Variants in HERC1 observed in about 807,000 individuals in gnomAD.
HERC1 encodes the protein HECT and RLD domain containing E3 ubiquitin protein ligase family member 1, also known as probable E3 ubiquitin-protein ligase HERC1.
In HERC1, 160 loss-of-function variants were observed where a neutral mutation model predicts 554.3. The ratio of observed to expected loss-of-function variants is 0.29; its 90% CI spans 0.25 to 0.33. HERC1 has a LOEUF of 0.33. Among genes scored for constraint, HERC1 ranks in the 10% least tolerant of loss-of-function variants. The probability of loss-of-function intolerance (pLI) is 1.00; values close to 1 mark genes in which losing one functional copy is unlikely to be tolerated. For synonymous variants in HERC1, 2,175 were observed against 2,131.7 expected (o/e 1.02, Z -0.56); for missense variants, 4,919 against 5,918.5 (o/e 0.83, Z 5.54).
intron 1 of HERC1, among the ~76,000 whole-genome samples, chr15:63,792,984 A>C (rs2076696904): frequency 6.6e-6 from 1 of 152,238 alleles, no homozygotes; most frequent in South Asian, 2.1e-4. Context: ...TCAGGGAAAC[A>C]CTTATACTTA....
At chr15:63,777,539 T>C (rs2076150361) in intron 1 of HERC1, among the ~76,000 whole-genome samples, 1 of 152,244 alleles carries the variant, frequency 6.6e-6, no homozygotes, top group African/African-American at 2.4e-5. Context: ...ACATCTTATG[T>C]TTGTTGGTCA....
At position 63,749,654 on chromosome 15, in the gene HERC1, A is replaced by G; in HGVS notation, c.2040T>C (p.Leu680=). The part of the protein sequence containing the change: ...VSIGDSHCLA[L]SHDNEVYAWG... The stretch of plus-strand genomic sequence containing the variant: ...AAAAACAAATGACTTTACCATGAGA[A>G]AGAGCCAAACAATGACTGTCTCCAA... The change falls in exon 9 of 78, where the codon CTT becomes CTC. Residue 680 remains leucine (L), a synonymous_variant. Transcript: ENST00000443617. The surrounding 1 kb of genome is among the most constrained non-coding windows in gnomAD (Gnocchi z 4.1). The G allele has an allele frequency of 1.3e-6, 2 of 1,599,418 alleles. No homozygotes were observed. The highest frequency in any genetic ancestry group is 1.7e-6 in the Non-Finnish European group (2 of 1,172,294).
chr15:63,748,522 A>C (rs1319939636), intron 10 of HERC1, among the ~76,000 whole-genome samples: 2 of 152,316 alleles, frequency 1.3e-5, no homozygotes, highest in Non-Finnish European at 2.9e-5. Flanking sequence ...ATAGAGTGAT[A>C]TACTGAAATC....
chr15:63,699,451 C>A (rs2153070311), intron 25 of HERC1, among the ~76,000 whole-genome samples: 1 of 152,208 alleles, frequency 6.6e-6, no homozygotes, highest in Non-Finnish European at 1.5e-5. Flanking sequence ...TAAGACTGAA[C>A]AAAGTGTCTA....
At chr15:63,784,490 C>T (rs989521282) in intron 1 of HERC1, among the ~76,000 whole-genome samples, 13 of 152,120 alleles carry the variant, frequency 8.5e-5, no homozygotes, top group African/African-American at 3.1e-4. Context: ...AACCTAGGAA[C>T]ACTAGTTGCC....
intron 24 of HERC1, among the ~76,000 whole-genome samples, chr15:63,710,391 T>C (rs1415025203): frequency 6.6e-6 from 1 of 152,088 alleles, no homozygotes; most frequent in Admixed American, 6.6e-5. Flanking sequence ...GGCACTTCAA[T>C]TAAAGAAAGG....
At chr15:63,621,520 C>T (rs1368444967) in intron 74 of HERC1, among the ~76,000 whole-genome samples, 3 of 152,090 alleles carry the variant, frequency 2.0e-5, no homozygotes, top group Non-Finnish European at 4.4e-5. Flanking sequence ...CTCTGTATTT[C>T]CTGAATTTGA....
intron 1 of HERC1, among the ~76,000 whole-genome samples, chr15:63,822,317 G>C (rs1596327728): frequency 6.6e-6 from 1 of 152,068 alleles, no homozygotes; most frequent in African/African-American, 2.4e-5. Flanking sequence ...CAGGTGCTGT[G>C]GCTCACGCCT....
chr15:63,635,539 C>T (rs920433436), intron 65 of HERC1, among the ~76,000 whole-genome samples: 1 of 152,196 alleles, frequency 6.6e-6, no homozygotes, highest in Non-Finnish European at 1.5e-5. Context: ...AGGTGCTATA[C>T]AATCTTACAA....
rs757981190 is a variant in HERC1, at chr15:63,725,376, C to A, written c.3484G>T (p.Val1162Leu). 5 of 1,613,970 alleles carry A rather than the reference C, an allele frequency of 3.1e-6. No individual in the cohort carries two copies. In the East Asian group the frequency reaches 6.7e-5, roughly 22 times the overall value. ...CLGGMLQGSP[V>L]SPEEQDTAYW... ...GCAGTGTCCTGTTCCTCTGGAGACA[C>A]AGGGGAGCCCTGAAGCATGCCACCA... Residue 1162 changes from valine to leucine, a missense_variant, in exon 18 of 78, where the codon GTG becomes TTG. Physicochemically the swap from Val to Leu is conservative, Grantham distance 32. Transcript: ENST00000443617.
intron 2 of HERC1, among the ~76,000 whole-genome samples, chr15:63,765,885 T>C (rs899901125): frequency 6.6e-6 from 1 of 152,202 alleles, no homozygotes; most frequent in South Asian, 2.1e-4. Context: ...TGAGACTGTT[T>C]CGCTCTTGTC....
Position 63,680,774 on chromosome 15 carries a change from A to C in HERC1, c.6228T>G (p.Phe2076Leu). The C allele has an allele frequency of 6.2e-7, 1 of 1,607,724 alleles. No individual in the cohort carries two copies. Residue 2076 changes from phenylalanine to leucine, a missense_variant and splice_region_variant, in exon 35 of 78, where the codon TTT becomes TTG. Coordinates refer to ENST00000443617, the MANE Select transcript of HERC1 (RefSeq NM_003922.4). The surrounding 1 kb of genome is among the most constrained non-coding windows in gnomAD (Gnocchi z 5.8). Reference protein sequence around the residue: ...GVTSGCYQWKFYIVKENRGNE... With the variant: ...GVTSGCYQWKLYIVKENRGNE... ...TACCTCTGTTTTCCTTCACAATATA[A>C]AACTAAAATAAAAGTGGGATATTCA...
At chr15:63,687,648 A>G (rs886735477) in intron 33 of HERC1, among the ~76,000 whole-genome samples, 1 of 152,150 alleles carries the variant, frequency 6.6e-6, no homozygotes, top group Non-Finnish European at 1.5e-5. Flanking sequence ...CATATTTAGC[A>G]GGGTATTAGG....
At chr15:63,673,620 G>C (rs993560918) in intron 38 of HERC1, among the ~76,000 whole-genome samples, 1 of 47,244 alleles carries the variant, frequency 2.1e-5, no homozygotes, top group African/African-American at 8.9e-5. Context: ...GAGGATACAA[G>C]ATAAAACAGA....
chr15:63,782,776 G>T (rs1308487818), intron 1 of HERC1, among the ~76,000 whole-genome samples: 1 of 152,202 alleles, frequency 6.6e-6, no homozygotes, highest in Non-Finnish European at 1.5e-5. Flanking sequence ...AGCATCCATG[G>T]TTCATGGGGA....
In HERC1 at chr15:63,649,893, A is replaced by G; in HGVS notation, c.10579T>C (p.Trp3527Arg). The G allele has an allele frequency of 6.2e-7, 1 of 1,610,476 alleles. No homozygotes were observed. Among genetic ancestry groups the G allele is most frequent in the Non-Finnish European group, 8.5e-7 (1 of 1,178,238 alleles). Residue 3527 changes from tryptophan (W) to arginine (R), a missense_variant, in exon 54 of 78, where the codon TGG becomes CGG. Coordinates refer to ENST00000443617, the MANE Select transcript of HERC1 (RefSeq NM_003922.4). Reference sequence around the variant, plus strand: ...TCTGGCCAAGCCAGGGCAGATACCCAATGAGGCTGAATATCTACTAATCCT... The same window carrying G: ...TCTGGCCAAGCCAGGGCAGATACCCGATGAGGCTGAATATCTACTAATCCT... ...GKGLVDIQPH[W>R]VSALAWPEEG... is the part of the protein sequence containing the mutation.
chr15:63,671,203 CAAA>C (rs371521135), intron 39 of HERC1, among the ~76,000 whole-genome samples: 3 of 123,450 alleles, frequency 2.4e-5, no homozygotes, highest in African/African-American at 6.1e-5. Context: ...AACTTTGTCT[CAAA>C]AAAAAAAAAA....
At chr15:63,716,811 T>C (rs1431413539) in intron 21 of HERC1, among the ~76,000 whole-genome samples, 1 of 152,214 alleles carries the variant, frequency 6.6e-6, no homozygotes, top group Non-Finnish European at 1.5e-5. Context: ...GCATAAAAGG[T>C]AATTAAGGCA....
Position 63,609,052 on chromosome 15 carries a change from G to A in HERC1, c.*29C>T. 6.3e-7 allele frequency: 1 copy of A among 1,594,988 alleles called. No homozygotes were observed. The highest frequency in any genetic ancestry group is 1.1e-5 in the South Asian group (1 of 88,716). On this transcript the variant is annotated 3_prime_UTR_variant, in exon 78 of 78. Coordinates refer to ENST00000443617, the MANE Select transcript of HERC1 (RefSeq NM_003922.4). ...ATCAGAAGTGAGCATTATTGAGGGA[G>A]AGAAGGGAGGGTGAGAGCACCCGCA... is the stretch of plus-strand genomic sequence containing the variant.
Sources: gnomAD v4.1 joint callset for allele counts (sites outside exome capture counted in the v4.1 genomes callset) on GRCh38, gnomAD v4.1.1 for gene constraint, Gnocchi (gnomAD v3.1) non-coding constraint, MANE v1.5 for transcripts, NCBI Gene and HGNC (gene_info 2026-07-23, HGNC 2026-07-21) for gene names.